UNC13B: variants seen among roughly 807,000 people sequenced by gnomAD.
The protein encoded by UNC13B is unc-13 homolog B, also known as protein unc-13 homolog B.
Under a neutral mutation model 211.0 loss-of-function variants are expected in UNC13B, and 144 were observed. That is an observed-to-expected ratio of 0.68 (90% CI 0.60 to 0.78). The LOEUF is 0.78. UNC13B is among the 30% of genes least tolerant of loss of function. The pLI is 0.00. For synonymous variants in UNC13B, 709 were observed against 725.8 expected, an observed-to-expected ratio of 0.98 and a Z score of 0.37; for missense variants, 1,777 against 2,002.0, an observed-to-expected ratio of 0.89 and a Z score of 2.14.
chr9:35,201,919 C>A (rs990206421), intron 1 of UNC13B, among the ~76,000 whole-genome samples: 1 of 152,018 alleles, frequency 6.6e-6, no homozygotes, highest in African/African-American at 2.4e-5. Flanking sequence ...TAGTTCTTTT[C>A]ATTGTGACGT....
chr9:35,204,827 G>T (rs1222096823), intron 1 of UNC13B, among the ~76,000 whole-genome samples: 1 of 152,202 alleles, frequency 6.6e-6, no homozygotes, highest in Non-Finnish European at 1.5e-5. Context: ...TTGAGTTAAT[G>T]CTGGAATGTG....
chr9:35,259,041 G>A lies in UNC13B; in HGVS notation c.517G>A (p.Ala173Thr), dbSNP rs746417699. Residue 173 changes from alanine to threonine, a missense_variant, in exon 7 of 40, where the codon GCC (alanine) becomes ACC (threonine). By Grantham distance (58) the Ala-to-Thr change is moderately conservative (BLOSUM62 0). Transcript: ENST00000635942. ...GAGGAAGCCATTGCCCACTGCTGCC[G>A]CCCAGTGTTGTAAGTGAGAAACTTG... ...SQRKPLPTAA[A>T]QCSFEDPDSA... 26 of 1,613,650 alleles carry A rather than the reference G, an allele frequency of 1.6e-5. No individual in the cohort carries two copies. The highest frequency in any genetic ancestry group is 6.6e-5 in the South Asian group (6 of 91,070).
intron 8 of UNC13B, among the ~76,000 whole-genome samples, chr9:35,297,673 C>T (rs540839075): frequency 1.3e-5 from 2 of 151,694 alleles, no homozygotes; most frequent in East Asian, 3.9e-4. Context: ...CCTCAGCCTC[C>T]CGAGTAGCTG....
Position 35,391,356 on chromosome 9 carries a change from T to G in UNC13B, c.11308+642T>G, listed in dbSNP as rs950931502. 2.0e-5 allele frequency among the ~76,000 whole-genome samples: 3 copies of G among 152,200 alleles called. No individual in the cohort carries two copies. The East Asian group carries it at 5.8e-4, about 29-fold the overall frequency. On this transcript the variant is annotated intron_variant, in intron 26 of 39. Transcript: ENST00000635942. ...CCTATTTAGCAGCGTTTCCTGCCAT[T>G]TTATGTGTGGTAGTCTCTCTACTCA...
intron 16 of UNC13B, 138 bp from the exon 17 acceptor site, chr9:35,378,157 C>A: frequency 7.9e-7 from 1 of 1,271,868 alleles, no homozygotes; most frequent in Non-Finnish European, 1.1e-6. Context: ...TGGCCCAGGA[C>A]AAAGAATAAA....
At chr9:35,400,998 A>G (rs1437809878) in intron 37 of UNC13B, among the ~76,000 whole-genome samples, 3 of 152,118 alleles carry the variant, frequency 2.0e-5, no homozygotes, top group Non-Finnish European at 2.9e-5. Context: ...GGGACCCAGG[A>G]AGCCGGTTTT....
At chr9:35,402,616 A>G (rs1160782097) in intron 37 of UNC13B, among the ~76,000 whole-genome samples, 2 of 152,024 alleles carry the variant, frequency 1.3e-5, no homozygotes, top group Non-Finnish European at 2.9e-5. Context: ...GGTCTCTGCT[A>G]AGGGGAGCCT....
chr9:35,386,226 G>A lies in UNC13B; in HGVS notation c.11027G>A (p.Cys3676Tyr), dbSNP rs770712278. The change falls in exon 24 of 40, where the codon TGT (cysteine) becomes TAT (tyrosine). Residue 3676 changes from cysteine (C) to tyrosine (Y), a missense_variant. Cys to Tyr is a radical substitution (Grantham distance 194). Coordinates refer to ENST00000635942, the MANE Select transcript of UNC13B (RefSeq NM_001371189.2). ...GTGGTAAAGGATTGTGTGAAGGCCTGTTTGAACTCCACATATGAATATATC... is the reference window on the plus strand; with the variant it reads ...GTGGTAAAGGATTGTGTGAAGGCCTATTTGAACTCCACATATGAATATATC... Reference protein sequence around the residue: ...SQVVKDCVKACLNSTYEYIFN... With the variant: ...SQVVKDCVKAYLNSTYEYIFN... 4.3e-6 allele frequency: 7 copies of A among 1,614,198 alleles called. No homozygotes were observed. The highest frequency in any genetic ancestry group is 4.2e-6 in the Non-Finnish European group (5 of 1,180,024).
chr9:35,351,916 C>T, intron 11 of UNC13B: 1 of 1,232,248 alleles, frequency 8.1e-7, no homozygotes, highest in Non-Finnish European at 1.0e-6. Flanking sequence ...ATGGCCAAGG[C>T]TGTAGCCGTG....
At chr9:35,344,147 G>A (rs1437023763) in intron 11 of UNC13B, among the ~76,000 whole-genome samples, 1 of 152,060 alleles carries the variant, frequency 6.6e-6, no homozygotes, top group Admixed American at 6.5e-5. Context: ...GCATCCCTGG[G>A]GTAACAGGAA....
chr9:35,298,152 C>G (rs1288738070), intron 8 of UNC13B, among the ~76,000 whole-genome samples: 1 of 152,186 alleles, frequency 6.6e-6, no homozygotes, highest in Non-Finnish European at 1.5e-5. Context: ...GGTGCAGTGA[C>G]TGATGCCTAT....
intron 11 of UNC13B, chr9:35,352,632 C>T: frequency 8.1e-7 from 1 of 1,232,098 alleles, no homozygotes; most frequent in Non-Finnish European, 1.0e-6. Context: ...CACCAGGCCC[C>T]TGAGCAGCAA....
rs1224714795 is a variant in UNC13B, at chr9:35,382,508, G to A, written c.10806+1G>A. ...TCGCTTTGCAGCCTCCAACTTTGGGGTAAGTATCATGTAAACACATATGTC... is the reference window on the plus strand; with the variant it reads ...TCGCTTTGCAGCCTCCAACTTTGGGATAAGTATCATGTAAACACATATGTC... On this transcript the variant is annotated splice_donor_variant, in intron 21 of 39. Transcript: ENST00000635942. LOFTEE classifies it high-confidence loss of function. 6.2e-7 allele frequency: 1 copy of A among 1,610,944 alleles called. No homozygotes were observed. Among genetic ancestry groups the A allele is most frequent in the African/African-American group, 1.3e-5 (1 of 74,734 alleles).
At chr9:35,251,803 A>G (rs537718350) in intron 6 of UNC13B, among the ~76,000 whole-genome samples, 1 of 152,326 alleles carries the variant, frequency 6.6e-6, no homozygotes, top group East Asian at 1.9e-4. Flanking sequence ...TTCAAGAGCC[A>G]GATAAGATGT....
chr9:35,255,975 G>A (rs1472972342), intron 6 of UNC13B, among the ~76,000 whole-genome samples: 4 of 152,158 alleles, frequency 2.6e-5, no homozygotes. Flanking sequence ...GCCCAGGAAT[G>A]AACAAGGACA....
chr9:35,304,730 G>T lies in UNC13B; in HGVS notation c.5326G>T (p.Ala1776Ser), dbSNP rs1829846988. ...GTTTGATAAGAGTGAATCCTTAGAG[G>T]CTTTGGCCATGCAGAAAGTGAATCA... ...LKFDKSESLE[A>S]LAMQKVNQQS... The change falls in exon 9 of 40, where the codon GCT (alanine) becomes TCT (serine). Residue 1776 changes from alanine to serine, a missense_variant. Ala to Ser is a moderately conservative substitution (Grantham distance 99). Transcript: ENST00000635942. 1 of 398,854 alleles carries T rather than the reference G, an allele frequency of 2.5e-6. No homozygotes were observed. Among genetic ancestry groups the T allele is most frequent in the Non-Finnish European group, 4.4e-6 (1 of 225,954 alleles). 24.7% of individuals were successfully genotyped at this position (398,854 alleles called of 1,614,324 possible). A position where few individuals can be genotyped will look rare whatever the true frequency, so the allele number is the denominator to read the frequency against.
At chr9:35,345,628 G>A (rs138322493) in intron 11 of UNC13B, among the ~76,000 whole-genome samples, 1 of 152,318 alleles carries the variant, frequency 6.6e-6, no homozygotes, top group East Asian at 1.9e-4. Context: ...GGACTCAGAG[G>A]AGCCTGACTT....
chr9:35,243,430 C>T, intron 6 of UNC13B, 66 bp downstream of exon 6: 3 of 1,543,240 alleles, frequency 1.9e-6, no homozygotes, highest in Non-Finnish European at 2.7e-6. Flanking sequence ...TTATAGGTTG[C>T]CCAGGGAGGG....
chr9:35,268,738 C>T (rs1198202772), intron 7 of UNC13B, among the ~76,000 whole-genome samples: 1 of 152,126 alleles, frequency 6.6e-6, no homozygotes, highest in Non-Finnish European at 1.5e-5. Context: ...ATTATTAGTT[C>T]AGATGATGTT....
Sources: gnomAD v4.1 joint callset for allele counts (sites outside exome capture counted in the v4.1 genomes callset) on GRCh38, gnomAD v4.1.1 for gene constraint, MANE v1.5 for transcripts, NCBI Gene and HGNC (gene_info 2026-07-23, HGNC 2026-07-21) for gene names.